The following XIRP2 variants were observed in gnomAD, a reference collection of about 807,000 sequenced individuals.
XIRP2 encodes the protein xin actin-binding repeat-containing protein 2.
Under a neutral mutation model 277.0 loss-of-function variants are expected in XIRP2, and 236 were observed. That is an observed-to-expected ratio of 0.85 (90% CI 0.77 to 0.95). The LOEUF (loss-of-function observed/expected upper bound fraction) is 0.95. XIRP2 is among the 40% of genes least tolerant of loss of function. The probability of loss-of-function intolerance (pLI) is 0.00; values close to 1 mark genes in which losing one functional copy is unlikely to be tolerated. For missense variants in XIRP2, 4,640 were observed against 4,157.5 expected, an observed-to-expected ratio of 1.12 and a Z score of -3.19; for synonymous variants, 1,490 against 1,416.5, an observed-to-expected ratio of 1.05 and a Z score of -1.17.
intron 3 of XIRP2, among the ~76,000 whole-genome samples, chr2:167,196,063 A>C (rs1693496609): frequency 6.6e-6 from 1 of 151,636 alleles, no homozygotes; most frequent in Non-Finnish European, 1.5e-5. Flanking sequence ...AAAGAGAGAG[A>C]GATTCATAGT....
chr2:167,020,032 T>C (rs1017396802), intron 2 of XIRP2, among the ~76,000 whole-genome samples: 8 of 152,072 alleles, frequency 5.3e-5, no homozygotes. Context: ...TTAATGTCAC[T>C]CATTCTTTCA....
Position 167,249,225 on chromosome 2 carries a change from C to T in XIRP2, c.7833C>T (p.Ser2611=), listed in dbSNP as rs1428302980. The T allele has an allele frequency of 3.7e-6, 6 of 1,613,576 alleles. No individual in the cohort carries two copies. The African/African-American group carries it at 8.0e-5, about 22-fold the overall frequency. ...IDSECTVVQP[S]PGSQSNARIL... ...CAGAATGCACTGTGGTTCAACCCAGCCCAGGCTCTCAAAGTAATGCTCGGA... is the reference window on the plus strand; with the variant it reads ...CAGAATGCACTGTGGTTCAACCCAGTCCAGGCTCTCAAAGTAATGCTCGGA... The change falls in exon 9 of 11, where the codon AGC becomes AGT. Residue 2611 remains serine, a synonymous_variant. Coordinates refer to ENST00000409195, the MANE Select transcript of XIRP2 (RefSeq NM_152381.6).
chr2:167,044,538 C>T (rs146914187), intron 2 of XIRP2, among the ~76,000 whole-genome samples: 21 of 152,112 alleles, frequency 1.4e-4, no homozygotes, highest in Admixed American at 9.8e-4. Context: ...TAGTCTCAGC[C>T]CAAAGGCTCT....
rs1695221693 is a variant in XIRP2, at chr2:167,245,464, C to T, written c.4072C>T (p.Pro1358Ser). The T allele has an allele frequency of 6.2e-7, 1 of 1,613,296 alleles. No homozygotes were observed. The highest frequency in any genetic ancestry group is 8.5e-7 in the Non-Finnish European group (1 of 1,179,680). Residue 1358 changes from proline (P) to serine (S), a missense_variant, in exon 9 of 11, where the codon CCA becomes TCA. Pro to Ser is a moderately conservative substitution (Grantham distance 74). Transcript: ENST00000409195. ...AACAAGGTGGCTTTTTGAAACAAAG[C>T]CATTAGACTCTATTAATAAATCAGA... ...RGTRWLFETKPLDSINKSETV... is the reference protein window; with the variant it reads ...RGTRWLFETKSLDSINKSETV...
At chr2:167,128,178 A>T (rs1291724495) in intron 2 of XIRP2, among the ~76,000 whole-genome samples, 2 of 152,168 alleles carry the variant, frequency 1.3e-5, no homozygotes, top group Non-Finnish European at 2.9e-5. Context: ...TTGACGCCTA[A>T]ATATTTGTAA....
intron 2 of XIRP2, among the ~76,000 whole-genome samples, chr2:166,933,697 A>G (rs1397443964): frequency 6.6e-6 from 1 of 152,122 alleles, no homozygotes; most frequent in Non-Finnish European, 1.5e-5. Context: ...TGCAAACAGG[A>G]AGGAATAAAT....
chr2:167,051,745 C>T lies in XIRP2; in HGVS notation c.409-84164C>T, dbSNP rs576332315. On this transcript the variant is annotated intron_variant, in intron 2 of 10. Coordinates refer to ENST00000409195, the MANE Select transcript of XIRP2 (RefSeq NM_152381.6). ...AAAACATTTTAAAAATATATACAGA[C>T]AAAGATATTCTATTTGGGGAAATTT... Among the ~76,000 whole-genome samples, 7 of 152,054 alleles carry T rather than the reference C, an allele frequency of 4.6e-5. No homozygotes were observed. In the East Asian group the frequency reaches 1.2e-3, roughly 25 times the overall value.
chr2:167,240,584 AAAATG>A (rs1342816359), intron 6 of XIRP2, 75 bp from the exon 7 acceptor site: 2 of 1,242,348 alleles, frequency 1.6e-6, no homozygotes, highest in African/African-American at 3.0e-5. Context: ...AAATCACTGT[AAAATG>A]AAGAGTATTA....
At chr2:167,127,398 G>A (rs1222884569) in intron 2 of XIRP2, among the ~76,000 whole-genome samples, 2 of 152,178 alleles carry the variant, frequency 1.3e-5, no homozygotes, top group South Asian at 2.1e-4. Context: ...AGAGAAAAGT[G>A]TTTTGAGGAG....
Position 167,243,803 on chromosome 2 carries a change from G to T in XIRP2, c.2411G>T (p.Gly804Val), listed in dbSNP as rs760551633. ...TCCATGGAAGAAAATGTCAAAGGTG[G>T]GGTGAGTAAGGCAAAGTGGTTATTT... ...GISMEENVKG[G>V]VSKAKWLFET... Residue 804 changes from glycine to valine, a missense_variant, in exon 9 of 11, where the codon GGG becomes GTG. Transcript: ENST00000409195. 6.2e-7 allele frequency: 1 copy of T among 1,613,974 alleles called. No individual in the cohort carries two copies. Among genetic ancestry groups the T allele is most frequent in the Non-Finnish European group, 8.5e-7 (1 of 1,179,952 alleles).
chr2:167,251,281 C>T lies in XIRP2; in HGVS notation c.9889C>T (p.Arg3297Cys), dbSNP rs571867431. ...TESYDAVEII[R>C]KVAVPPRLSE... ...AAGTTATGATGCAGTTGAAATCATC[C>T]GCAAGGTTGCAGTGCCTCCTCGCCT... The change falls in exon 9 of 11, where the codon CGC (arginine) becomes TGC (cysteine). Residue 3297 changes from arginine to cysteine, a missense_variant. Transcript: ENST00000409195. 10 of 1,613,294 alleles carry T rather than the reference C, an allele frequency of 6.2e-6. No homozygotes were observed. The highest frequency in any genetic ancestry group is 2.7e-5 in the African/African-American group (2 of 74,798).
At position 167,244,794 on chromosome 2, in the gene XIRP2, G is replaced by C. The variant is rs752119075; in HGVS notation, c.3402G>C (p.Gln1134His). ...CTTGTACTTGGCTCTTTGAAACTCA[G>C]CCACTTGATACCATAAAAGATGACT... ...VKTCTWLFET[Q>H]PLDTIKDDSE... The change falls in exon 9 of 11, where the codon CAG (glutamine) becomes CAC (histidine). Residue 1134 changes from glutamine to histidine, a missense_variant. By Grantham distance (24) the Gln-to-His change is conservative. Coordinates refer to ENST00000409195, the MANE Select transcript of XIRP2 (RefSeq NM_152381.6). The C allele has an allele frequency of 6.2e-7, 1 of 1,613,606 alleles. No homozygotes were observed. Among genetic ancestry groups the C allele is most frequent in the Admixed American group, 1.7e-5 (1 of 59,968 alleles).
Position 167,241,944 on chromosome 2 carries a change from G to A in XIRP2, c.1176+34G>A, listed in dbSNP as rs368614595. The stretch of plus-strand genomic sequence containing the variant: ...ATTTCTTTACACAGAAACATACTAA[G>A]TGTAAGACCAAGCTTAAATGTGTAA... On this transcript the variant is annotated intron_variant, in intron 8 of 10. Coordinates refer to ENST00000409195, the MANE Select transcript of XIRP2 (RefSeq NM_152381.6). 248 of 1,570,298 alleles carry A rather than the reference G, an allele frequency of 1.6e-4. No homozygotes were observed. The highest frequency in any genetic ancestry group is 3.4e-4 in the Middle Eastern group (2 of 5,874).
chr2:167,212,313 G>A (rs970755819), intron 4 of XIRP2, among the ~76,000 whole-genome samples: 10 of 152,178 alleles, frequency 6.6e-5, no homozygotes, highest in African/African-American at 2.2e-4. Flanking sequence ...CGAGGAAACA[G>A]TTGATTTTGA....
At chr2:167,256,064 G>C (rs753488618) in intron 10 of XIRP2, among the ~76,000 whole-genome samples, 13 of 151,112 alleles carry the variant, frequency 8.6e-5, no homozygotes, top group Non-Finnish European at 1.6e-4. Flanking sequence ...TTAAAATCTA[G>C]CAATTTTACT....
chr2:167,218,584 C>T (rs1026897643), intron 5 of XIRP2, among the ~76,000 whole-genome samples: 6 of 152,278 alleles, frequency 3.9e-5, no homozygotes, highest in Admixed American at 2.0e-4. Flanking sequence ...CTAGGTTAGA[C>T]AACAGGTAAA....
At chr2:167,068,459 T>C (rs1245290160) in intron 2 of XIRP2, among the ~76,000 whole-genome samples, 2 of 152,228 alleles carry the variant, frequency 1.3e-5, no homozygotes, top group Non-Finnish European at 2.9e-5. Context: ...AAGTTTTGTT[T>C]CATTTTTTAA....
intron 2 of XIRP2, among the ~76,000 whole-genome samples, chr2:167,046,281 A>G (rs563459020): frequency 1.8e-4 from 28 of 151,668 alleles, no homozygotes; most frequent in Non-Finnish European, 3.1e-4. Context: ...ATTTTCTAGT[A>G]TTTCAACAGG....
chr2:167,240,830 T>G, intron 7 of XIRP2, 94 bp downstream of exon 7: 1 of 1,060,550 alleles, frequency 9.4e-7, no homozygotes, highest in South Asian at 1.3e-5. Context: ...TCCTCCCCTC[T>G]GAGTAACTTT....
Sources: allele counts gnomAD v4.1 joint callset (sites outside exome capture counted in the v4.1 genomes callset), GRCh38; gene constraint gnomAD v4.1.1; transcripts MANE v1.5; gene names NCBI Gene and HGNC (gene_info 2026-07-23, HGNC 2026-07-21).